Variants in OSTM1 observed in about 807,000 individuals in gnomAD.
OSTM1 encodes the protein osteopetrosis-associated transmembrane protein 1.
A neutral mutation model predicts 35.4 loss-of-function variants in OSTM1; 26 were observed. The observed-to-expected ratio is 0.73, with a 90% CI of 0.54 to 1.02. The LOEUF is 1.02. Ranked by LOEUF, OSTM1 falls within the 50% of genes least tolerant of loss-of-function variation. The pLI, the probability that OSTM1 is intolerant of heterozygous loss-of-function variation, is 0.00. For synonymous variants in OSTM1, 181 were observed against 165.0 expected (o/e 1.10, Z -0.75); for missense variants, 366 against 409.6 (o/e 0.89, Z 0.92).
chr6:108,074,006 C>G (rs906796968), intron 1 of OSTM1, among the ~76,000 whole-genome samples: 1 of 152,076 alleles, frequency 6.6e-6, no homozygotes, highest in East Asian at 1.9e-4. Context: ...GAATCAGGAC[C>G]CCCAAGAAAA....
intron 1 of OSTM1, among the ~76,000 whole-genome samples, chr6:108,066,130 G>C (rs893915419): frequency 6.6e-6 from 1 of 152,146 alleles, no homozygotes; most frequent in African/African-American, 2.4e-5. Context: ...AGGCCGTGAG[G>C]GTCATGAGAG....
chr6:108,070,922 C>G (rs1244195686), intron 1 of OSTM1, among the ~76,000 whole-genome samples: 1 of 149,358 alleles, frequency 6.7e-6, no homozygotes, highest in African/African-American at 2.5e-5. Flanking sequence ...GGTGTGGTGG[C>G]TCACACCTGT....
At chr6:108,068,171 CTTT>C (rs534746955) in intron 1 of OSTM1, among the ~76,000 whole-genome samples, 259 of 152,264 alleles carry the variant, frequency 1.7e-3, no homozygotes, top group South Asian at 0.012. Context: ...CCTCATTCTT[CTTT>C]ATCTCTCCAA....
chr6:108,062,535 C>CTTTT (rs780041339), intron 2 of OSTM1, among the ~76,000 whole-genome samples: 86 of 130,968 alleles, frequency 6.6e-4, no homozygotes, highest in Admixed American at 1.1e-3. Flanking sequence ...CTTTTCTTTT[C>CTTTT]TTTTTTTTTT....
chr6:108,066,334 T>A (rs1772375421), intron 1 of OSTM1, among the ~76,000 whole-genome samples: 1 of 152,080 alleles, frequency 6.6e-6, no homozygotes, highest in Admixed American at 6.6e-5. Context: ...ATCCAAACGA[T>A]GATGAGGTAC....
Position 108,073,886 on chromosome 6 carries a change from A to G in OSTM1, c.402+364T>C, listed in dbSNP as rs1490742585. ...TACAAAGCTCAAATTTCTAACCACTACCAGTGTCTCCACCCCACTTGTTTC... is the reference window on the plus strand; with the variant it reads ...TACAAAGCTCAAATTTCTAACCACTGCCAGTGTCTCCACCCCACTTGTTTC... On this transcript the variant is annotated intron_variant, in intron 1 of 5. Transcript: ENST00000193322. 1.3e-5 allele frequency: 4 copies of G among 303,962 alleles called. No homozygotes were observed. The East Asian group carries it at 2.7e-4, about 20-fold the overall frequency. 18.8% of individuals were successfully genotyped at this position (303,962 alleles called of 1,614,324 possible).
At position 108,044,824 on chromosome 6, in the gene OSTM1, G is replaced by A. The variant is rs2114586496; in HGVS notation, c.966C>T (p.Ser322=). 2.6e-6 allele frequency: 4 copies of A among 1,568,556 alleles called. No individual in the cohort carries two copies. Among genetic ancestry groups the A allele is most frequent in the Non-Finnish European group, 3.5e-6 (4 of 1,145,644 alleles). ...RKLILPKRLK[S]STSFANIQEN... ...CCTGAATATTTGCAAAACTGGTACT[G>A]GACTTGAGACGTTTGGCTAGATAAA... The change falls in exon 6 of 6, where the codon TCC becomes TCT. Residue 322 remains serine, a synonymous_variant. Coordinates refer to ENST00000193322, the MANE Select transcript of OSTM1 (RefSeq NM_014028.4).
chr6:108,073,981 AGCAAGAG>A (rs1390250001), intron 1 of OSTM1, among the ~76,000 whole-genome samples: 2 of 152,120 alleles, frequency 1.3e-5, no homozygotes, highest in Non-Finnish European at 2.9e-5. Flanking sequence ...GTGGAGGAAG[AGCAAGAG>A]GGTTGGGGAA....
At position 108,065,300 on chromosome 6, in the gene OSTM1, C is replaced by T. The variant is rs557827470; in HGVS notation, c.403-1001G>A. ...TATCGCCCAGGCTGGAGTGCAGTGA[C>T]GCAATCTCAGCTCACTGCAACATCT... On this transcript the variant is annotated intron_variant, in intron 1 of 5. Coordinates refer to ENST00000193322, the MANE Select transcript of OSTM1 (RefSeq NM_014028.4). Among the ~76,000 whole-genome samples, 13 of 147,656 alleles carry T rather than the reference C, an allele frequency of 8.8e-5. No individual in the cohort carries two copies. The South Asian group carries it at 1.1e-3, about 12-fold the overall frequency.
chr6:108,053,237 A>G (rs1175451403), intron 3 of OSTM1, among the ~76,000 whole-genome samples: 3 of 152,234 alleles, frequency 2.0e-5, no homozygotes, highest in African/African-American at 7.2e-5. Context: ...ATGGTGTACA[A>G]TTTAAAACTT....
intron 3 of OSTM1, among the ~76,000 whole-genome samples, chr6:108,052,225 G>C (rs758086384): frequency 6.6e-6 from 1 of 152,102 alleles, no homozygotes; most frequent in Non-Finnish European, 1.5e-5. Context: ...ACAAGGTCAG[G>C]AGATCGAGAC....
chr6:108,071,418 G>A (rs1772481389), intron 1 of OSTM1, among the ~76,000 whole-genome samples: 1 of 148,396 alleles, frequency 6.7e-6, no homozygotes, highest in Admixed American at 6.7e-5. Flanking sequence ...CAATTCTCCT[G>A]CCTCAGCCTC....
chr6:108,063,324 A>G (rs1254871488), intron 2 of OSTM1, among the ~76,000 whole-genome samples: 1 of 152,198 alleles, frequency 6.6e-6, no homozygotes, highest in African/African-American at 2.4e-5. Flanking sequence ...CGTCATCTCT[A>G]CTTATTGAAA....
intron 5 of OSTM1, among the ~76,000 whole-genome samples, chr6:108,047,520 T>C (rs1042413819): frequency 2.0e-5 from 3 of 152,242 alleles, no homozygotes; most frequent in African/African-American, 7.2e-5. Flanking sequence ...AATTTGTGTT[T>C]AAAAAATTAT....
intron 2 of OSTM1, among the ~76,000 whole-genome samples, chr6:108,058,001 T>A (rs1420501128): frequency 6.6e-6 from 1 of 151,378 alleles, no homozygotes; most frequent in Admixed American, 6.6e-5. Context: ...ATTAGCAGAG[T>A]GGCTTTCTCA....
At chr6:108,052,286 A>C (rs1772089036) in intron 3 of OSTM1, among the ~76,000 whole-genome samples, 1 of 152,002 alleles carries the variant, frequency 6.6e-6, no homozygotes, top group Non-Finnish European at 1.5e-5. Flanking sequence ...TACAAAACTT[A>C]GCCGGGCGTG....
chr6:108,074,542 C>T lies in OSTM1; in HGVS notation c.110G>A (p.Ser37Asn). The change falls in exon 1 of 6, where the codon AGC becomes AAC. Residue 37 changes from serine (S) to asparagine (N), a missense_variant. This residue lies in a region of OSTM1 where 236 missense variants were observed against 239.3 expected (regional missense o/e 0.99). Transcript: ENST00000193322. ...GLALGALPFG[S>N]SPHRVFHDLL... is the part of the protein sequence containing the mutation. The stretch of plus-strand genomic sequence containing the variant: ...GTCGTGGAAGACCCTGTGCGGACTG[C>T]TGCCGAAGGGGAGCGCGCCCAGGGC... The T allele has an allele frequency of 1.3e-6, 2 of 1,556,600 alleles. No individual in the cohort carries two copies. The highest frequency in any genetic ancestry group is 8.7e-7 in the Non-Finnish European group (1 of 1,152,048).
intron 5 of OSTM1, among the ~76,000 whole-genome samples, chr6:108,048,949 C>T (rs892700598): frequency 6.6e-6 from 1 of 151,944 alleles, no homozygotes; most frequent in African/African-American, 2.4e-5. Context: ...GATGGGGTTT[C>T]ACCGTGTTAG....
rs191366390 is a variant in OSTM1, at chr6:108,048,918, A to G, written c.949+335T>C. ...AGGCATGCGCCATCATGCCCGGCTA[A>G]TTTTTTGCATTTTTAGTAGAGATGG... is the stretch of plus-strand genomic sequence containing the variant. On this transcript the variant is annotated intron_variant, in intron 5 of 5. Transcript: ENST00000193322. 3.0e-3 allele frequency among the ~76,000 whole-genome samples: 458 copies of G among 151,724 alleles called. 3 individuals carry two copies. Among genetic ancestry groups the G allele is most frequent in the African/African-American group, 0.011 (443 of 41,322 alleles).
Sources: gnomAD v4.1 joint callset for allele counts (sites outside exome capture counted in the v4.1 genomes callset) on GRCh38, gnomAD v4.1.1 for gene constraint, gnomAD v4.1.1 regional missense constraint, MANE v1.5 for transcripts, NCBI Gene and HGNC (gene_info 2026-07-23, HGNC 2026-07-21) for gene names.